The following LCN6 variants were observed in gnomAD, a reference collection of about 807,000 sequenced individuals.
LCN6 encodes epididymal-specific lipocalin-6.
In LCN6, 20 loss-of-function variants were observed where a neutral mutation model predicts 21.4. The observed-to-expected ratio is 0.93, with a 90% CI of 0.66 to 1.36. The LOEUF is 1.36. LCN6 is among the 40% of genes most tolerant of loss of function. The probability of loss-of-function intolerance (pLI) is 0.00; values close to 1 mark genes in which losing one functional copy is unlikely to be tolerated. For synonymous variants in LCN6, 96 were observed against 89.0 expected (o/e 1.08, Z -0.44); for missense variants, 217 against 206.6 (o/e 1.05, Z -0.31).
chr9:136,745,251 C>A lies in LCN6; in HGVS notation c.331G>T (p.Ala111Ser). The A allele has an allele frequency of 6.2e-7, 1 of 1,613,488 alleles. No individual in the cohort carries two copies. Among genetic ancestry groups the A allele is most frequent in the Non-Finnish European group, 8.5e-7 (1 of 1,179,778 alleles). The change falls in exon 4 of 7, where the codon GCC (alanine) becomes TCC (serine). Residue 111 changes from alanine to serine, a missense_variant. Transcript: ENST00000341206. ...ATGGCATAGTCTCTGAAGTTGGTGG[C>A]CAGCACCCAGAGCTCCAGCACGCCT... ...SIGVLELWVLATNFRDYAIIF... is the reference protein window; with the variant it reads ...SIGVLELWVLSTNFRDYAIIF...
At chr9:136,747,308 GA>G in intron 2 of LCN6, 115 bp downstream of exon 2, 1 of 1,188,260 alleles carries the variant, frequency 8.4e-7, no homozygotes, top group South Asian at 1.4e-5. Flanking sequence ...CGGGGGTGCA[GA>G]GGGGCCGTGG....
chr9:136,744,616 G>A lies in LCN6; in HGVS notation c.*22+24C>T, dbSNP rs760743422. 13 of 1,502,744 alleles carry A rather than the reference G, an allele frequency of 8.7e-6. No homozygotes were observed. Among genetic ancestry groups the A allele is most frequent in the African/African-American group, 4.1e-5 (3 of 72,988 alleles). 93.1% of individuals were successfully genotyped at this position (1,502,744 alleles called of 1,614,324 possible). A position where few individuals can be genotyped will look rare whatever the true frequency, so the allele number is the denominator to read the frequency against. On this transcript the variant is annotated intron_variant, in intron 5 of 6. Transcript: ENST00000341206. This position sits in a 1 kb window ranked among gnomAD's most constrained non-coding sequence, Gnocchi z 4.2. ...CCAGAACTTGCCCCAAGCCTCCCCC[G>A]AGGCTGCTCCGGTGGACACTCACGG...
chr9:136,747,452 T>G lies in LCN6; in HGVS notation c.202A>C (p.Asn68His). The G allele has an allele frequency of 6.2e-7, 1 of 1,613,618 alleles. No homozygotes were observed. Residue 68 changes from asparagine (N) to histidine (H), a missense_variant, in exon 2 of 7, where the codon AAC (asparagine) becomes CAC (histidine). Physicochemically the swap from Asn to His is moderately conservative, Grantham distance 68. Transcript: ENST00000341206. ...GVVVTLTPENNLRTLSSQHGL... is the reference protein window; with the variant it reads ...GVVVTLTPENHLRTLSSQHGL... Reference sequence around the variant, plus strand: ...TGCTGAGAGGACAGCGTCCGCAGGTTGTTTTCTGGAGTGAGGGTCACCACC... The same window carrying G: ...TGCTGAGAGGACAGCGTCCGCAGGTGGTTTTCTGGAGTGAGGGTCACCACC...
rs1847010088 is a variant in LCN6 at position 136,744,703 on chromosome 9, A to G, written c.451T>C (p.Phe151Leu). Residue 151 changes from phenylalanine (F) to leucine (L), a missense_variant, in exon 5 of 7, where the codon TTC (phenylalanine) becomes CTC (leucine). By Grantham distance (22) the Phe-to-Leu change is conservative. Transcript: ENST00000341206. This position sits in a 1 kb window ranked among gnomAD's most constrained non-coding sequence, Gnocchi z 4.2. ...ETASQEAMGL[F>L]TKWSRSLGFL... ...CCCAGGCTCCTGCTCCACTTGGTGA[A>G]GAGCCCCATGGCCTCCTGGCTGGCT... 6.2e-7 allele frequency: 1 copy of G among 1,610,706 alleles called. No homozygotes were observed. The highest frequency in any genetic ancestry group is 1.7e-5 in the Admixed American group (1 of 59,908).
At chr9:136,747,298 C>T (rs971605638) in intron 2 of LCN6, 126 bp downstream of exon 2, 52 of 1,062,218 alleles carry the variant, frequency 4.9e-5, no homozygotes, top group East Asian at 7.6e-5. Context: ...GGAAAAGTGA[C>T]GGGGGTGCAG....
chr9:136,748,315 G>A, intron 1 of LCN6, 79 bp downstream of exon 1: 5 of 1,285,842 alleles, frequency 3.9e-6, no homozygotes, highest in Non-Finnish European at 5.5e-6. Flanking sequence ...CTAGCCCTGG[G>A]GGGCCCAGAA....
chr9:136,746,486 G>T (rs1007250564), intron 2 of LCN6, among the ~76,000 whole-genome samples: 1 of 152,150 alleles, frequency 6.6e-6, no homozygotes, highest in African/African-American at 2.4e-5. Flanking sequence ...AGGTGCAATG[G>T]TGTTTGCCAA....
At chr9:136,746,216 C>T (rs1027485543) in intron 2 of LCN6, among the ~76,000 whole-genome samples, 7 of 87,214 alleles carry the variant, frequency 8.0e-5, no homozygotes, top group Non-Finnish European at 1.1e-4. Context: ...GCCCGCGACT[C>T]GGGGGAAAGA....
At position 136,747,022 on chromosome 9, in the gene LCN6, T is replaced by C. The variant is rs555137952; in HGVS notation, c.230+402A>G. 12 of 165,826 alleles carry C rather than the reference T, an allele frequency of 7.2e-5. 1 individual carries two copies. In the South Asian group the frequency reaches 2.0e-3, roughly 27 times the overall value. The allele number at this position is 165,826 out of a possible 1,614,324, so 10.3% of individuals were successfully genotyped here. A position where few individuals can be genotyped will look rare whatever the true frequency, so the allele number is the denominator to read the frequency against. On this transcript the variant is annotated intron_variant, in intron 2 of 6. Transcript: ENST00000341206. ...CATGACCATATTGTTTGGGGATTTATGTTATGAAAGAACCAGTGGTTCTTA... is the reference window on the plus strand; with the variant it reads ...CATGACCATATTGTTTGGGGATTTACGTTATGAAAGAACCAGTGGTTCTTA...
In LCN6 at chr9:136,744,793, G is replaced by A; in HGVS notation, c.413-52C>T. On this transcript the variant is annotated intron_variant, in intron 4 of 6. Transcript: ENST00000341206. The surrounding 1 kb of genome is among the most constrained non-coding windows in gnomAD (Gnocchi z 4.2). ...GAAGCAACCTCTGAGAGCTGGGGAG[G>A]GGCCGGGGAGGGGCTGGGAAGGGTC... 7.7e-7 allele frequency: 1 copy of A among 1,302,312 alleles called. No individual in the cohort carries two copies. The highest frequency in any genetic ancestry group is 1.2e-5 in the South Asian group (1 of 81,226). 80.7% of individuals were successfully genotyped at this position (1,302,312 alleles called of 1,614,324 possible). A position where few individuals can be genotyped will look rare whatever the true frequency, so the allele number is the denominator to read the frequency against.
At position 136,744,481 on chromosome 9, in the gene LCN6, G is replaced by A; in HGVS notation, c.*23-117C>T. ...AGACCCCCAGGCCTGACTTTGGGCA[G>A]GGGCAGGTGAAGACCCCCTCAGCCT... On this transcript the variant is annotated intron_variant, in intron 5 of 6. Transcript: ENST00000341206. This position sits in a 1 kb window ranked among gnomAD's most constrained non-coding sequence, Gnocchi z 4.2. 1.9e-6 allele frequency: 1 copy of A among 533,868 alleles called. No individual in the cohort carries two copies. The highest frequency in any genetic ancestry group is 3.0e-5 in the Admixed American group (1 of 33,658). 33.1% of individuals were successfully genotyped at this position (533,868 alleles called of 1,614,324 possible).
chr9:136,745,201 C>T lies in LCN6; in HGVS notation c.381G>A (p.Gly127=). Residue 127 remains glycine (G), a synonymous_variant, in exon 4 of 7, where the codon GGG becomes GGA. Coordinates refer to ENST00000341206, the MANE Select transcript of LCN6 (RefSeq NM_198946.3). Reference sequence around the variant, plus strand: ...GCTCCACGGTGTTGAAGGGCTCGTCCCCGAACTCCAGCTGAGTGAAGATGA... The same window carrying T: ...GCTCCACGGTGTTGAAGGGCTCGTCTCCGAACTCCAGCTGAGTGAAGATGA... ...YAIIFTQLEF[G]DEPFNTVELY... 1 of 1,613,532 alleles carries T rather than the reference C, an allele frequency of 6.2e-7. No individual in the cohort carries two copies. The highest frequency in any genetic ancestry group is 8.5e-7 in the Non-Finnish European group (1 of 1,179,728).
chr9:136,748,348 G>A (rs547959888), intron 1 of LCN6, 46 bp downstream of exon 1: 2 of 1,526,030 alleles, frequency 1.3e-6, no homozygotes, highest in Non-Finnish European at 1.8e-6. Flanking sequence ...TAAAGGAGGG[G>A]CTGGCCCCCG....
chr9:136,747,339 G>A, intron 2 of LCN6, 85 bp downstream of exon 2: 1 of 1,509,484 alleles, frequency 6.6e-7, no homozygotes, highest in Non-Finnish European at 9.0e-7. Context: ...AGGCCGCGGT[G>A]CCCGGGAGCA....
At chr9:136,746,126 A>T in intron 2 of LCN6, 1 of 565,180 alleles carries the variant, frequency 1.8e-6, no homozygotes, top group South Asian at 2.1e-5. Flanking sequence ...ACTTCCTGAG[A>T]GATCCTCAGT....
intron 2 of LCN6, 93 bp downstream of exon 2, chr9:136,747,331 G>C: frequency 6.8e-7 from 1 of 1,464,690 alleles, no homozygotes; most frequent in Non-Finnish European, 9.3e-7. Context: ...AAGCCCCCAG[G>C]CCGCGGTGCC....
Position 136,744,181 on chromosome 9 carries a change from A to G in LCN6, c.*49-39T>C, listed in dbSNP as rs1363630834. ...GGAGTGTGAGGGGGCCCAGCCCACC[A>G]TGGAGGCTCCTCCACACCCTCAGCT... On this transcript the variant is annotated intron_variant, in intron 6 of 6. Coordinates refer to ENST00000341206, the MANE Select transcript of LCN6 (RefSeq NM_198946.3). The surrounding 1 kb of genome is among the most constrained non-coding windows in gnomAD (Gnocchi z 4.2). 1 of 155,082 alleles carries G rather than the reference A, an allele frequency of 6.4e-6. No individual in the cohort carries two copies. Among genetic ancestry groups the G allele is most frequent in the Non-Finnish European group, 1.4e-5 (1 of 69,868 alleles). The allele number at this position is 155,082 out of a possible 1,614,324, so 9.6% of individuals were successfully genotyped here.
Position 136,744,585 on chromosome 9 carries a change from TG to T in LCN6, c.*22+54del. The T allele has an allele frequency of 1.8e-6, 2 of 1,133,374 alleles. No homozygotes were observed. Among genetic ancestry groups the T allele is most frequent in the Non-Finnish European group, 2.6e-6 (2 of 766,432 alleles). The allele number at this position is 1,133,374 out of a possible 1,614,324, so 70.2% of individuals were successfully genotyped here. On this transcript the variant is annotated intron_variant, in intron 5 of 6. Transcript: ENST00000341206. This position sits in a 1 kb window ranked among gnomAD's most constrained non-coding sequence, Gnocchi z 4.2. Reference sequence around the variant, plus strand: ...GTCTCTGTCACCCCATCACGCCCTGTGGGCTCCAGAACTTGCCCCAAGCCTC... The same window carrying T: ...GTCTCTGTCACCCCATCACGCCCTGTGGCTCCAGAACTTGCCCCAAGCCTC...
At position 136,744,635 on chromosome 9, in the gene LCN6, C is replaced by T. The variant is rs1350654069; in HGVS notation, c.*22+5G>A. The stretch of plus-strand genomic sequence containing the variant: ...TCCCCCGAGGCTGCTCCGGTGGACA[C>T]TCACGGTCCTTCTGCAGCTGGGCCT... On this transcript the variant is annotated splice_donor_5th_base_variant and intron_variant, in intron 5 of 6. Coordinates refer to ENST00000341206, the MANE Select transcript of LCN6 (RefSeq NM_198946.3). This position sits in a 1 kb window ranked among gnomAD's most constrained non-coding sequence, Gnocchi z 4.2. 1.3e-6 allele frequency: 2 copies of T among 1,584,208 alleles called. No homozygotes were observed. The highest frequency in any genetic ancestry group is 2.2e-5 in the South Asian group (2 of 89,450).
Sources: allele counts gnomAD v4.1 joint callset (sites outside exome capture counted in the v4.1 genomes callset), GRCh38; gene constraint gnomAD v4.1.1; non-coding constraint Gnocchi (gnomAD v3.1); transcripts MANE v1.5; gene names NCBI Gene and HGNC (gene_info 2026-07-23, HGNC 2026-07-21).